UNC80: variants seen among roughly 807,000 people sequenced by gnomAD.
The protein encoded by UNC80 is unc-80 subunit of NALCN channel complex.
UNC80 carries 164 observed loss-of-function variants against 384.6 expected under a neutral mutation model. The ratio of observed to expected loss-of-function variants is 0.43; its 90% confidence interval spans 0.38 to 0.49. The LOEUF (loss-of-function observed/expected upper bound fraction) is 0.49. Among genes scored for constraint, UNC80 ranks in the 20% least tolerant of loss-of-function variants. The pLI is 0.00. For synonymous variants in UNC80, 1,486 were observed against 1,527.8 expected, an observed-to-expected ratio of 0.97 and a Z score of 0.64; for missense variants, 3,330 against 4,143.0, an observed-to-expected ratio of 0.80 and a Z score of 5.39.
At chr2:209,787,867 T>C (rs759892938) in intron 5 of UNC80, among the ~76,000 whole-genome samples, 2 of 152,218 alleles carry the variant, frequency 1.3e-5, no homozygotes, top group African/African-American at 2.4e-5. Context: ...AAAAGTTAAC[T>C]GTAAAACAAT....
intron 54 of UNC80, 40 bp downstream of exon 54, chr2:209,970,997 C>T (rs2125012069): frequency 1.3e-6 from 2 of 1,533,902 alleles, no homozygotes; most frequent in Admixed American, 4.2e-5. Flanking sequence ...CATTAAGTTG[C>T]TGGTTGAGGC....
chr2:209,821,993 A>G (rs1280322457), intron 13 of UNC80, among the ~76,000 whole-genome samples: 1 of 152,160 alleles, frequency 6.6e-6, no homozygotes, highest in Non-Finnish European at 1.5e-5. Flanking sequence ...CAAGCGTTGC[A>G]ATACTCCTTC....
At position 209,921,505 on chromosome 2, in the gene UNC80, C is replaced by A; in HGVS notation, c.5349C>A (p.Ser1783=). The A allele has an allele frequency of 2.0e-6, 3 of 1,536,688 alleles. No homozygotes were observed. The highest frequency in any genetic ancestry group is 2.6e-6 in the Non-Finnish European group (3 of 1,139,652). The change falls in exon 34 of 65, where the codon TCC becomes TCA. Residue 1783 remains serine, a synonymous_variant. Transcript: ENST00000673920. ...TTGCCTTTATGTCTCCACAGAAATC[C>A]TTTTCAGCCCGGGCTGTGTCCCGCT... ...QDPINEDQSK[S]FSARAVSRSH...
chr2:209,786,016 G>A (rs1230710685), intron 4 of UNC80, 50 bp from the exon 5 acceptor site: 2 of 1,593,364 alleles, frequency 1.3e-6, no homozygotes, highest in Non-Finnish European at 1.7e-6. Flanking sequence ...GTCCCTTTAA[G>A]CAGCTGTTAC....
At chr2:209,949,315 T>C (rs983570869) in intron 47 of UNC80, among the ~76,000 whole-genome samples, 4 of 152,206 alleles carry the variant, frequency 2.6e-5, no homozygotes, top group African/African-American at 9.6e-5. Context: ...CTTGCTTAGC[T>C]ACTACTTTAT....
chr2:209,984,265 G>T (rs553883631), intron 60 of UNC80, among the ~76,000 whole-genome samples: 1 of 152,332 alleles, frequency 6.6e-6, no homozygotes, highest in African/African-American at 2.4e-5. Context: ...CGAGTTCCAT[G>T]TGAATTTTCT....
chr2:209,947,604 T>C (rs78472514), intron 47 of UNC80, among the ~76,000 whole-genome samples: 2,274 of 152,296 alleles, frequency 0.015, 56 homozygotes, highest in African/African-American at 0.051. Context: ...GACATCTTGA[T>C]GTCTCAGTAA....
chr2:209,945,139 T>A lies in UNC80; in HGVS notation c.7139T>A (p.Ile2380Lys), dbSNP rs2091851900. ...LQSLEGETTD[I>K]LDILELVKAE... The stretch of plus-strand genomic sequence containing the variant: ...TCCCTAGAGGGAGAGACCACCGACA[T>A]ATTAGACATCTTAGAGCTGGTCAAA... Residue 2380 changes from isoleucine to lysine, a missense_variant, in exon 46 of 65, where the codon ATA becomes AAA. By Grantham distance (102) the Ile-to-Lys change is moderately radical (BLOSUM62 -3). Coordinates refer to ENST00000673920, the MANE Select transcript of UNC80 (RefSeq NM_001371986.1). 6.4e-7 allele frequency: 1 copy of A among 1,551,492 alleles called. No homozygotes were observed. The highest frequency in any genetic ancestry group is 1.2e-5 in the South Asian group (1 of 84,062).
intron 8 of UNC80, 94 bp downstream of exon 8, chr2:209,813,935 T>A: frequency 6.9e-7 from 1 of 1,441,758 alleles, no homozygotes; most frequent in Non-Finnish European, 9.2e-7. Flanking sequence ...GGTACTCTAG[T>A]GCTGACTTTT....
chr2:209,947,287 G>A (rs1320615427), intron 47 of UNC80, among the ~76,000 whole-genome samples: 1 of 152,094 alleles, frequency 6.6e-6, no homozygotes, highest in Non-Finnish European at 1.5e-5. Context: ...AACCAGATAT[G>A]TCAGATATTC....
chr2:209,928,964 A>G (rs1339244421), intron 36 of UNC80, among the ~76,000 whole-genome samples: 1 of 152,184 alleles, frequency 6.6e-6, no homozygotes, highest in Admixed American at 6.5e-5. Context: ...TCACATGTAA[A>G]GATATTTTTG....
intron 26 of UNC80, among the ~76,000 whole-genome samples, chr2:209,889,973 C>A (rs1404800290): frequency 6.6e-6 from 1 of 152,126 alleles, no homozygotes; most frequent in African/African-American, 2.4e-5. Context: ...GGCCTCCCAA[C>A]AGGTGTGAGC....
At chr2:209,868,427 A>T (rs572218327) in intron 22 of UNC80, among the ~76,000 whole-genome samples, 1 of 152,222 alleles carries the variant, frequency 6.6e-6, no homozygotes, top group Non-Finnish European at 1.5e-5. Context: ...AAGCTTAGAT[A>T]TAGTCCTCCA....
rs1416233327 is a variant in UNC80, at chr2:209,786,058, C to T, written c.601-8C>T. The stretch of plus-strand genomic sequence containing the variant: ...GTTATTGGACATATATCTTCTCCTC[C>T]CCCCTAGGAATCTGACCTCACCTTC... On this transcript the variant is annotated splice_polypyrimidine_tract_variant and splice_region_variant and intron_variant, in intron 4 of 64. Transcript: ENST00000673920. 2.5e-6 allele frequency: 4 copies of T among 1,612,256 alleles called. No homozygotes were observed. The highest frequency in any genetic ancestry group is 3.4e-6 in the Non-Finnish European group (4 of 1,179,070).
At chr2:209,823,868 A>G (rs891109775) in intron 13 of UNC80, among the ~76,000 whole-genome samples, 6 of 152,122 alleles carry the variant, frequency 3.9e-5, no homozygotes, top group Admixed American at 3.9e-4. Flanking sequence ...CAAACTAAAA[A>G]TCCAAAAATC....
chr2:209,991,210 C>A (rs972415404), intron 61 of UNC80, among the ~76,000 whole-genome samples: 8 of 152,226 alleles, frequency 5.3e-5, no homozygotes, highest in African/African-American at 1.9e-4. Context: ...AGATGACTCT[C>A]CTTTTGCAAA....
intron 29 of UNC80, among the ~76,000 whole-genome samples, chr2:209,906,270 T>C (rs2088196921): frequency 6.6e-6 from 1 of 152,180 alleles, no homozygotes; most frequent in Non-Finnish European, 1.5e-5. Flanking sequence ...ACTTTTTTAT[T>C]ATGAAAGCAA....
At position 209,849,604 on chromosome 2, in the gene UNC80, T is replaced by G; in HGVS notation, c.3608T>G (p.Leu1203Arg). The change falls in exon 22 of 65, where the codon CTA becomes CGA. Residue 1203 changes from leucine to arginine, a missense_variant. Coordinates refer to ENST00000673920, the MANE Select transcript of UNC80 (RefSeq NM_001371986.1). Reference sequence around the variant, plus strand: ...GGGACAATTCCTGATGCCTCCATCCTAGCAGCTGCCTTGGATCTAGTAAGT... The same window carrying G: ...GGGACAATTCCTGATGCCTCCATCCGAGCAGCTGCCTTGGATCTAGTAAGT... Reference protein sequence around the residue: ...EPGTIPDASILAAALDLEAPV... With the variant: ...EPGTIPDASIRAAALDLEAPV... 6.4e-7 allele frequency: 1 copy of G among 1,550,784 alleles called. No individual in the cohort carries two copies. Among genetic ancestry groups the G allele is most frequent in the Non-Finnish European group, 8.7e-7 (1 of 1,146,414 alleles).
chr2:209,787,118 A>G (rs2077488924), intron 5 of UNC80, among the ~76,000 whole-genome samples: 1 of 111,500 alleles, frequency 9.0e-6, no homozygotes, highest in African/African-American at 5.1e-5. Context: ...TTAACATATA[A>G]GCTATAATTT....
Sources: gnomAD v4.1 joint callset for allele counts (sites outside exome capture counted in the v4.1 genomes callset) on GRCh38, gnomAD v4.1.1 for gene constraint, MANE v1.5 for transcripts, NCBI Gene and HGNC (gene_info 2026-07-23, HGNC 2026-07-21) for gene names.